Variants in TPTE2 observed in about 807,000 individuals in gnomAD.
TPTE2 encodes transmembrane phosphoinositide 3-phosphatase and tensin homolog 2.
TPTE2 carries 53 observed loss-of-function variants against 78.6 expected under a neutral mutation model. The ratio of observed to expected loss-of-function variants is 0.67; its 90% CI spans 0.54 to 0.85. The LOEUF (loss-of-function observed/expected upper bound fraction) is 0.85, where lower values mean the gene tolerates loss of function less well. TPTE2 is among the 40% of genes least tolerant of loss of function. TPTE2 has a pLI of 0.00. For synonymous variants in TPTE2, 175 were observed against 206.2 expected, an observed-to-expected ratio of 0.85 and a Z score of 1.30; for missense variants, 461 against 623.0, an observed-to-expected ratio of 0.74 and a Z score of 2.77.
At chr13:19,532,104 A>G (rs1026926905) in intron 1 of TPTE2, among the ~76,000 whole-genome samples, 4 of 152,202 alleles carry the variant, frequency 2.6e-5, no homozygotes, top group Non-Finnish European at 4.4e-5. Flanking sequence ...TTGCAGGCAG[A>G]TGGCCATTTT....
At chr13:19,557,595 C>T in the TPTE2 span, among the ~76,000 whole-genome samples, 44 of 152,200 alleles carry the variant, frequency 2.9e-4, no homozygotes, top group Non-Finnish European at 1.5e-5. Context: ...CTCATCTATT[C>T]ATCAAGCTGG....
chr13:19,543,544 C>T, the TPTE2 span, among the ~76,000 whole-genome samples: 1 of 151,264 alleles, frequency 6.6e-6, no homozygotes, highest in Non-Finnish European at 1.5e-5. Context: ...TTAGTAGAGA[C>T]GGGGTTTCAC....
chr13:19,449,503 A>G (rs1878045394), intron 13 of TPTE2, among the ~76,000 whole-genome samples: 1 of 152,190 alleles, frequency 6.6e-6, no homozygotes, highest in South Asian at 2.1e-4. Context: ...CAGGAAATTT[A>G]TTGTACAACA....
chr13:19,524,303 C>T (rs745714877), intron 1 of TPTE2, among the ~76,000 whole-genome samples: 4 of 152,174 alleles, frequency 2.6e-5, no homozygotes, highest in Non-Finnish European at 5.9e-5. Flanking sequence ...TAAGTCTTCC[C>T]TAATGTTTTC....
chr13:19,456,553 A>C (rs1878548964), intron 10 of TPTE2, among the ~76,000 whole-genome samples: 1 of 152,218 alleles, frequency 6.6e-6, no homozygotes. Flanking sequence ...TTCAAATATC[A>C]TTTAAAATAG....
At chr13:19,501,915 A>G (rs1868588447) in intron 1 of TPTE2, among the ~76,000 whole-genome samples, 1 of 151,518 alleles carries the variant, frequency 6.6e-6, no homozygotes, top group East Asian at 1.9e-4. Flanking sequence ...AAGGGCTAAT[A>G]TCCAGAATCT....
At chr13:19,467,484 A>G (rs1177335778) in intron 6 of TPTE2, 140 bp from the exon 10 acceptor site, 4 of 733,784 alleles carry the variant, frequency 5.5e-6, no homozygotes, top group Non-Finnish European at 7.9e-6. Context: ...TTTCTAGAGT[A>G]GACTAAGGGA....
At chr13:19,519,363 A>G (rs1870007731) in intron 1 of TPTE2, among the ~76,000 whole-genome samples, 2 of 152,198 alleles carry the variant, frequency 1.3e-5, no homozygotes, top group South Asian at 4.1e-4. Flanking sequence ...TACTAATTCA[A>G]TATCATAAAA....
intron 10 of TPTE2, among the ~76,000 whole-genome samples, chr13:19,459,679 G>A (rs534541623): frequency 2.6e-5 from 4 of 152,304 alleles, no homozygotes; most frequent in South Asian, 2.1e-4. Context: ...CCATAGAACC[G>A]TTGCTGCAGT....
At chr13:19,534,353 C>A (rs1180887013) in intron 1 of TPTE2, among the ~76,000 whole-genome samples, 1 of 152,156 alleles carries the variant, frequency 6.6e-6, no homozygotes, top group Non-Finnish European at 1.5e-5. Flanking sequence ...GCATCATAAG[C>A]CCCAGACCGT....
At chr13:19,508,886 C>G (rs976257889) in intron 1 of TPTE2, among the ~76,000 whole-genome samples, 16 of 151,770 alleles carry the variant, frequency 1.1e-4, no homozygotes, top group African/African-American at 3.9e-4. Context: ...GGCACAAGGA[C>G]AGACCAACAT....
At chr13:19,482,773 C>T (rs1880435407) in intron 3 of TPTE2, among the ~76,000 whole-genome samples, 1 of 151,400 alleles carries the variant, frequency 6.6e-6, no homozygotes, top group South Asian at 2.1e-4. Context: ...ATATTTTTAT[C>T]TTCTTTTCTC....
chr13:19,444,944 C>T (rs1165917553), intron 13 of TPTE2, among the ~76,000 whole-genome samples: 1 of 152,184 alleles, frequency 6.6e-6, no homozygotes, highest in East Asian at 1.9e-4. Context: ...AAAGATGAAA[C>T]ATGACGCCTT....
At chr13:19,449,140 G>T (rs1878020516) in intron 13 of TPTE2, among the ~76,000 whole-genome samples, 1 of 152,064 alleles carries the variant, frequency 6.6e-6, no homozygotes, top group South Asian at 2.1e-4. Context: ...AGACAAAACT[G>T]GGGGGATTGT....
chr13:19,473,047 CCAAA>C (rs201115779), intron 6 of TPTE2, among the ~76,000 whole-genome samples: 1,630 of 152,262 alleles, frequency 0.011, 26 homozygotes, highest in African/African-American at 0.037. Flanking sequence ...TTACATTCTC[CCAAA>C]CAAAGAGTCT....
chr13:19,491,526 A>G (rs1442776742), intron 3 of TPTE2, among the ~76,000 whole-genome samples: 1 of 152,188 alleles, frequency 6.6e-6, no homozygotes, highest in Non-Finnish European at 1.5e-5. Flanking sequence ...ACCTATGTAC[A>G]TATTAAAAAT....
At chr13:19,494,466 G>T (rs951000056) in intron 1 of TPTE2, among the ~76,000 whole-genome samples, 1 of 151,898 alleles carries the variant, frequency 6.6e-6, no homozygotes, top group Non-Finnish European at 1.5e-5. Flanking sequence ...GGAATGCAGC[G>T]GCATGTTCTC....
At position 19,451,362 on chromosome 13, in the gene TPTE2, G is replaced by A. The variant is rs1022055327; in HGVS notation, c.742-137C>T. ...CTTCTAGGGGAGATTCAGGGAATAA[G>A]AGGGTATGCAAACTTCAAGTTCTAA... is the stretch of plus-strand genomic sequence containing the variant. On this transcript the variant is annotated intron_variant, in intron 10 of 19. Coordinates refer to ENST00000400230, the Ensembl canonical transcript of TPTE2. The A allele has an allele frequency of 1.8e-5, 19 of 1,084,288 alleles. No homozygotes were observed. In the African/African-American group the frequency reaches 2.9e-4, roughly 16 times the overall value. The allele number at this position is 1,084,288 out of a possible 1,614,324, so 67.2% of individuals were successfully genotyped here. A position where few individuals can be genotyped will look rare whatever the true frequency, so the allele number is the denominator to read the frequency against.
the TPTE2 span, among the ~76,000 whole-genome samples, chr13:19,553,275 T>C: frequency 1.3e-5 from 2 of 152,228 alleles, no homozygotes; most frequent in African/African-American, 4.8e-5. Context: ...TTTCAATAAC[T>C]TATTTACTTT....
Sources: allele counts gnomAD v4.1 joint callset (sites outside exome capture counted in the v4.1 genomes callset), GRCh38; gene constraint gnomAD v4.1.1; transcripts MANE v1.5; gene names NCBI Gene and HGNC (gene_info 2026-07-23, HGNC 2026-07-21).